TTYH2: variants seen among roughly 807,000 people sequenced by gnomAD.
TTYH2 encodes the protein tweety family member 2.
TTYH2 carries 49 observed loss-of-function variants against 68.3 expected under a neutral mutation model. The ratio of observed to expected loss-of-function variants is 0.72; its 90% confidence interval spans 0.57 to 0.91. TTYH2 has a LOEUF of 0.91. TTYH2 is among the 40% of genes least tolerant of loss of function. The pLI, the probability that TTYH2 is intolerant of heterozygous loss-of-function variation, is 0.00. For synonymous variants in TTYH2, 272 were observed against 300.8 expected, an observed-to-expected ratio of 0.90 and a Z score of 0.99; for missense variants, 631 against 700.4, an observed-to-expected ratio of 0.90 and a Z score of 1.12.
chr17:74,229,806 A>G lies in TTYH2; in HGVS notation c.303-1082A>G, dbSNP rs565705463. Among the ~76,000 whole-genome samples the G allele has an allele frequency of 1.4e-4, 21 of 152,342 alleles. 2 individuals carry two copies. Among genetic ancestry groups the G allele is most frequent in the African/African-American group, 4.8e-4 (20 of 41,588 alleles). On this transcript the variant is annotated intron_variant, in intron 2 of 13. Coordinates refer to ENST00000269346, the MANE Select transcript of TTYH2 (RefSeq NM_032646.6). ...ATCGTTTCAACTCTATGACATTCTG[A>G]AAAAGGCAAAACTAAGGAGAAAGTG...
chr17:74,252,286 T>C lies in TTYH2; in HGVS notation c.1169T>C (p.Leu390Pro). The C allele has an allele frequency of 6.2e-7, 1 of 1,613,880 alleles. No homozygotes were observed. Among genetic ancestry groups the C allele is most frequent in the Non-Finnish European group, 8.5e-7 (1 of 1,180,028 alleles). Residue 390 changes from leucine (L) to proline (P), a missense_variant, in exon 11 of 14, where the codon CTG (leucine) becomes CCG (proline). By Grantham distance (98) the Leu-to-Pro change is moderately conservative (BLOSUM62 -3). Transcript: ENST00000269346. The stretch of plus-strand genomic sequence containing the variant: ...TGCTACGACGGCCTCCAGGGCTTGC[T>C]GTACCTTGGCCTCTTCTCCTTCCTG... ...GICYDGLQGL[L>P]YLGLFSFLAA...
In TTYH2 at chr17:74,252,533, A is replaced by C. The variant is rs868280735; in HGVS notation, c.1259+157A>C. Among the ~76,000 whole-genome samples, 16 of 152,356 alleles carry C rather than the reference A, an allele frequency of 1.1e-4. No homozygotes were observed. In the South Asian group the frequency reaches 3.3e-3, roughly 32 times the overall value. Reference sequence around the variant, plus strand: ...GCCCAACAGGCTGGCTGACTTCTACAGAAGCTTCCCCAAGAGTCCACACAG... The same window carrying C: ...GCCCAACAGGCTGGCTGACTTCTACCGAAGCTTCCCCAAGAGTCCACACAG... On this transcript the variant is annotated intron_variant, in intron 11 of 13. Coordinates refer to ENST00000269346, the MANE Select transcript of TTYH2 (RefSeq NM_032646.6).
At chr17:74,237,143 G>A (rs149761683) in intron 3 of TTYH2, 151 bp from the exon 4 acceptor site, 94 of 715,662 alleles carry the variant, frequency 1.3e-4, no homozygotes, top group African/African-American at 9.6e-4. Context: ...CAAGCAATCC[G>A]CCTGCCTCAG....
intron 11 of TTYH2, among the ~76,000 whole-genome samples, 199 bp downstream of exon 11, chr17:74,252,575 C>G (rs530191332): frequency 5.4e-4 from 82 of 152,358 alleles, no homozygotes; most frequent in African/African-American, 1.9e-3. Context: ...CAAAGGAGTT[C>G]GGTGGGGCCC....
chr17:74,218,143 C>G (rs2050239088), intron 1 of TTYH2, among the ~76,000 whole-genome samples: 2 of 150,858 alleles, frequency 1.3e-5, no homozygotes, highest in South Asian at 4.2e-4. Flanking sequence ...GCAGGTGCCA[C>G]CAAGCTGGCC....
chr17:74,237,263 T>G, intron 3 of TTYH2, 31 bp from the exon 4 acceptor site: 4 of 1,608,470 alleles, frequency 2.5e-6, no homozygotes, highest in Non-Finnish European at 3.4e-6. Context: ...AAGCTCTACC[T>G]CCATGGCTTT....
In TTYH2 at chr17:74,249,963, A is replaced by G. The variant is rs2050602649; in HGVS notation, c.958A>G (p.Thr320Ala). Residue 320 changes from threonine to alanine, a missense_variant, in exon 9 of 14, where the codon ACC becomes GCC. By Grantham distance (58) the Thr-to-Ala change is moderately conservative. Transcript: ENST00000269346. Reference sequence around the variant, plus strand: ...CCTGACCACCTTCCAGCGCGCACTTACCACCATGCAGATCCAGGTCGCGGG... The same window carrying G: ...CCTGACCACCTTCCAGCGCGCACTTGCCACCATGCAGATCCAGGTCGCGGG... ...QTLTTFQRAL[T>A]TMQIQVAGLL... 6.2e-7 allele frequency: 1 copy of G among 1,613,794 alleles called. No individual in the cohort carries two copies. The highest frequency in any genetic ancestry group is 8.5e-7 in the Non-Finnish European group (1 of 1,179,978).
chr17:74,216,344 G>A (rs961038118), intron 1 of TTYH2, among the ~76,000 whole-genome samples: 3 of 152,174 alleles, frequency 2.0e-5, no homozygotes, highest in Non-Finnish European at 2.9e-5. Flanking sequence ...GGGTGCGTGT[G>A]CATCAGAGAC....
In TTYH2 at chr17:74,222,902, G is replaced by A. The variant is rs539619731; in HGVS notation, c.302+245G>A. ...CCCTGCCCCAATGTGGGTTTGTCCT[G>A]TGCCCAGCAGCTGTGCAGGCAGCAT... is the stretch of plus-strand genomic sequence containing the variant. On this transcript the variant is annotated intron_variant, in intron 2 of 13. Transcript: ENST00000269346. This position sits in a 1 kb window ranked among gnomAD's most constrained non-coding sequence, Gnocchi z 5.2. 6.6e-6 allele frequency among the ~76,000 whole-genome samples: 1 copy of A among 151,818 alleles called. No homozygotes were observed. The highest frequency in any genetic ancestry group is 2.1e-4 in the South Asian group (1 of 4,808).
At chr17:74,251,878 G>C in intron 10 of TTYH2, 1 of 283,188 alleles carries the variant, frequency 3.5e-6, no homozygotes, top group Non-Finnish European at 6.8e-6. Flanking sequence ...GGCCAAGCCT[G>C]TCCCCTTTGC....
At position 74,213,863 on chromosome 17, in the gene TTYH2, T is replaced by G; in HGVS notation, c.129+147T>G. On this transcript the variant is annotated intron_variant, in intron 1 of 13. Coordinates refer to ENST00000269346, the MANE Select transcript of TTYH2 (RefSeq NM_032646.6). The surrounding 1 kb of genome is among the most constrained non-coding windows in gnomAD (Gnocchi z 6.1). ...CCTTTCCCGTCTCCCCTCTCCCCTTTTCCCCCACCCTCCCAGGCCCGTGGC... is the reference window on the plus strand; with the variant it reads ...CCTTTCCCGTCTCCCCTCTCCCCTTGTCCCCCACCCTCCCAGGCCCGTGGC... 3 of 1,070,464 alleles carry G rather than the reference T, an allele frequency of 2.8e-6. No individual in the cohort carries two copies. The highest frequency in any genetic ancestry group is 3.9e-6 in the Non-Finnish European group (3 of 760,042). The allele number at this position is 1,070,464 out of a possible 1,614,324, so 66.3% of individuals were successfully genotyped here.
chr17:74,217,081 CCCTG>C lies in TTYH2; in HGVS notation c.129+3370_129+3373del, dbSNP rs1325081659. ...GCAAATGAACGAGGCACTTCGGTGT[CCCTG>C]CCTGAGCGTGAGTGCCACCATCACC... On this transcript the variant is annotated intron_variant, in intron 1 of 13. Transcript: ENST00000269346. This position sits in a 1 kb window ranked among gnomAD's most constrained non-coding sequence, Gnocchi z 4.0. Among the ~76,000 whole-genome samples the C allele has an allele frequency of 2.0e-5, 3 of 152,234 alleles. No individual in the cohort carries two copies. Among genetic ancestry groups the C allele is most frequent in the Non-Finnish European group, 4.4e-5 (3 of 68,048 alleles).
rs759749561 is a variant in TTYH2 at position 74,260,943 on chromosome 17, A to G, written c.*734A>G. On this transcript the variant is annotated 3_prime_UTR_variant, in exon 14 of 14. Transcript: ENST00000269346. ...TTGCCTCGCCTCTATTCCAGAATCA[A>G]TGCTGCAGAATGTGTTAGCTGCAGA... 2 of 152,826 alleles carry G rather than the reference A, an allele frequency of 1.3e-5. No individual in the cohort carries two copies. The highest frequency in any genetic ancestry group is 2.9e-5 in the Non-Finnish European group (2 of 68,196). The allele number at this position is 152,826 out of a possible 1,614,324, so 9.5% of individuals were successfully genotyped here.
chr17:74,251,907 G>T (rs766636386), intron 10 of TTYH2: 2 of 326,012 alleles, frequency 6.1e-6, no homozygotes, highest in Non-Finnish European at 1.2e-5. Flanking sequence ...CTCAAGGTGT[G>T]CTGCTTCTTG....
intron 4 of TTYH2, among the ~76,000 whole-genome samples, chr17:74,237,841 G>C (rs954124252): frequency 2.0e-5 from 3 of 152,146 alleles, no homozygotes; most frequent in African/African-American, 7.2e-5. Context: ...ATGTTGGCCA[G>C]GCTAGTCTCT....
In TTYH2 at chr17:74,249,312, G is replaced by A. The variant is rs1288068798; in HGVS notation, c.875-32G>A. The A allele has an allele frequency of 6.8e-6, 11 of 1,613,860 alleles. No individual in the cohort carries two copies. The Admixed American group carries it at 1.8e-4, about 27-fold the overall frequency. ...ATAGAGATCTCATCTGGTCATTTGTGAGCTGCCTAACGTTATGCCGTTGCC... is the reference window on the plus strand; with the variant it reads ...ATAGAGATCTCATCTGGTCATTTGTAAGCTGCCTAACGTTATGCCGTTGCC... On this transcript the variant is annotated intron_variant, in intron 7 of 13. Transcript: ENST00000269346.
In TTYH2 at chr17:74,232,583, A is replaced by C. The variant is rs374990415; in HGVS notation, c.414+1584A>C. On this transcript the variant is annotated intron_variant, in intron 3 of 13. Coordinates refer to ENST00000269346, the MANE Select transcript of TTYH2 (RefSeq NM_032646.6). The surrounding 1 kb of genome is among the most constrained non-coding windows in gnomAD (Gnocchi z 5.1). ...GGGAGAACTCTCCCTCTGGGCACCCACCCTTGCCCCAGGCCCTGGTGGGGA... is the reference window on the plus strand; with the variant it reads ...GGGAGAACTCTCCCTCTGGGCACCCCCCCTTGCCCCAGGCCCTGGTGGGGA... 1.2e-4 allele frequency among the ~76,000 whole-genome samples: 18 copies of C among 152,084 alleles called. No individual in the cohort carries two copies. In the East Asian group the frequency reaches 3.3e-3, roughly 28 times the overall value.
chr17:74,254,987 C>T (rs576794631), intron 13 of TTYH2, among the ~76,000 whole-genome samples: 2 of 152,340 alleles, frequency 1.3e-5, no homozygotes. Flanking sequence ...CCACCACCTC[C>T]AGCCAGAGTA....
chr17:74,241,852 GC>G lies in TTYH2; in HGVS notation c.636-1520del, dbSNP rs1453389642. 6.6e-6 allele frequency among the ~76,000 whole-genome samples: 1 copy of G among 152,250 alleles called. No homozygotes were observed. Among genetic ancestry groups the G allele is most frequent in the Non-Finnish European group, 1.5e-5 (1 of 68,042 alleles). ...CCAGCACAGGGTAAAGGGCATGGCT[GC>G]CAGGGGAGACCACTGGGCCTTGTGA... On this transcript the variant is annotated intron_variant, in intron 4 of 13. Transcript: ENST00000269346. This position sits in a 1 kb window ranked among gnomAD's most constrained non-coding sequence, Gnocchi z 4.1.
Sources: gnomAD v4.1 joint callset for allele counts (sites outside exome capture counted in the v4.1 genomes callset) on GRCh38, gnomAD v4.1.1 for gene constraint, Gnocchi (gnomAD v3.1) non-coding constraint, MANE v1.5 for transcripts, NCBI Gene and HGNC (gene_info 2026-07-23, HGNC 2026-07-21) for gene names.